Variants in KCNIP4 observed in about 807,000 individuals in gnomAD.
The protein encoded by KCNIP4 is Kv channel-interacting protein 4.
KCNIP4 carries 12 observed loss-of-function variants against 34.0 expected under a neutral mutation model. The ratio of observed to expected loss-of-function variants is 0.35; its 90% CI spans 0.23 to 0.57. The LOEUF (loss-of-function observed/expected upper bound fraction) is 0.57. Ranked by LOEUF, KCNIP4 falls within the 20% of genes least tolerant of loss-of-function variation. KCNIP4 has a pLI of 0.83. For missense variants in KCNIP4, 238 were observed against 311.7 expected, an observed-to-expected ratio of 0.76 and a Z score of 1.78; for synonymous variants, 124 against 102.2, an observed-to-expected ratio of 1.21 and a Z score of -1.29.
chr4:21,076,991 G>T (rs1031236871), intron 1 of KCNIP4, among the ~76,000 whole-genome samples: 18 of 152,164 alleles, frequency 1.2e-4, no homozygotes, highest in African/African-American at 4.1e-4. Flanking sequence ...TGGGCGTGAT[G>T]GCATGAGCCA....
At chr4:21,148,021 T>C (rs550463670) in intron 1 of KCNIP4, among the ~76,000 whole-genome samples, 7 of 149,606 alleles carry the variant, frequency 4.7e-5, no homozygotes, top group Admixed American at 3.3e-4. Context: ...TCAAGTACTA[T>C]TTTTATGAAT....
At chr4:21,418,447 T>C (rs10005599) in intron 1 of KCNIP4, among the ~76,000 whole-genome samples, 1 of 151,918 alleles carries the variant, frequency 6.6e-6, no homozygotes, top group African/African-American at 2.4e-5. Flanking sequence ...CAGTGAGCCG[T>C]GATTGTGCCA....
At chr4:21,397,663 G>T (rs545366525) in intron 1 of KCNIP4, among the ~76,000 whole-genome samples, 3 of 152,122 alleles carry the variant, frequency 2.0e-5, no homozygotes, top group South Asian at 2.1e-4. Flanking sequence ...ATATAACATT[G>T]CTTCTGCCTG....
At position 20,996,236 on chromosome 4, in the gene KCNIP4, T is replaced by C. The variant is rs201292507; in HGVS notation, c.62-113527A>G. Among the ~76,000 whole-genome samples, 18 of 152,296 alleles carry C rather than the reference T, an allele frequency of 1.2e-4. No individual in the cohort carries two copies. In the East Asian group the frequency reaches 3.3e-3, roughly 28 times the overall value. On this transcript the variant is annotated intron_variant, in intron 1 of 8. Transcript: ENST00000382152. ...CAAGCCACCACTCAGCAAACTCCTG[T>C]CTAATTTTGTTACTTTCGCTCTCAC...
chr4:20,857,051 A>C (rs1284118362), intron 2 of KCNIP4, among the ~76,000 whole-genome samples: 3 of 151,998 alleles, frequency 2.0e-5, no homozygotes, highest in African/African-American at 7.2e-5. Flanking sequence ...TATTAAAAAA[A>C]AAAAAAAAAC....
intron 1 of KCNIP4, among the ~76,000 whole-genome samples, chr4:21,464,140 A>T (rs1363274159): frequency 6.6e-6 from 1 of 151,490 alleles, no homozygotes; most frequent in Non-Finnish European, 1.5e-5. Flanking sequence ...GTCAATTTTA[A>T]TTTTTTTCTT....
intron 1 of KCNIP4, among the ~76,000 whole-genome samples, chr4:21,598,428 C>T (rs1431154928): frequency 6.6e-6 from 1 of 152,094 alleles, no homozygotes; most frequent in Non-Finnish European, 1.5e-5. Context: ...ATACTCAACC[C>T]TGCAGTTGTA....
chr4:21,250,183 G>A (rs1577963096), intron 1 of KCNIP4, among the ~76,000 whole-genome samples: 1 of 138,046 alleles, frequency 7.2e-6, no homozygotes, highest in African/African-American at 2.7e-5. Flanking sequence ...AAAGTATCCA[G>A]ACAACTACAC....
intron 2 of KCNIP4, among the ~76,000 whole-genome samples, chr4:20,865,429 G>A (rs1269499998): frequency 6.6e-6 from 1 of 151,904 alleles, no homozygotes; most frequent in African/African-American, 2.4e-5. Flanking sequence ...AATTAAAATT[G>A]GCAGCTTATT....
At chr4:21,741,496 T>G (rs1262690718) in intron 1 of KCNIP4, among the ~76,000 whole-genome samples, 3 of 152,150 alleles carry the variant, frequency 2.0e-5, no homozygotes, top group Non-Finnish European at 4.4e-5. Flanking sequence ...GGCTGGATGA[T>G]TCTAAATGAG....
intron 1 of KCNIP4, among the ~76,000 whole-genome samples, chr4:21,907,393 C>A (rs1232462529): frequency 6.6e-6 from 1 of 152,184 alleles, no homozygotes; most frequent in East Asian, 1.9e-4. Context: ...AAGCTGCCAC[C>A]ATGTTCTTGG....
At chr4:21,855,011 T>A (rs1402855272) in intron 1 of KCNIP4, among the ~76,000 whole-genome samples, 2 of 152,204 alleles carry the variant, frequency 1.3e-5, no homozygotes, top group Non-Finnish European at 2.9e-5. Flanking sequence ...CCCTGCTCTA[T>A]CATTTGCCCC....
intron 1 of KCNIP4, among the ~76,000 whole-genome samples, chr4:21,626,687 A>T (rs1419325404): frequency 1.3e-5 from 2 of 152,140 alleles, no homozygotes; most frequent in South Asian, 4.1e-4. Context: ...CAAGCTGTGT[A>T]GACAACCCTT....
intron 1 of KCNIP4, among the ~76,000 whole-genome samples, chr4:21,144,030 C>T (rs1006551447): frequency 1.3e-5 from 2 of 152,236 alleles, no homozygotes; most frequent in East Asian, 1.9e-4. Context: ...TCTGTGAAGT[C>T]TCTGTGCCTT....
At chr4:21,567,989 C>T (rs902704734) in intron 1 of KCNIP4, among the ~76,000 whole-genome samples, 4 of 152,068 alleles carry the variant, frequency 2.6e-5, no homozygotes, top group Non-Finnish European at 2.9e-5. Flanking sequence ...CCATAGTCAG[C>T]GCTGCTATGT....
rs539567945 is a variant in KCNIP4 at position 20,913,205 on chromosome 4, G to GCTAC, written c.62-30500_62-30497dup. On this transcript the variant is annotated intron_variant, in intron 1 of 8. Coordinates refer to ENST00000382152, the MANE Select transcript of KCNIP4 (RefSeq NM_025221.6). ...AAAAAAAGAATGAATAGTGATATGT[G>GCTAC]CTACCACAGAGGTGGATCTTAAAAA... Among the ~76,000 whole-genome samples, 119 of 152,046 alleles carry GCTAC rather than the reference G, an allele frequency of 7.8e-4. 2 individuals carry two copies. In the Middle Eastern group the frequency reaches 0.048, roughly 61 times the overall value.
intron 1 of KCNIP4, among the ~76,000 whole-genome samples, chr4:21,928,571 T>C (rs1250504893): frequency 6.6e-6 from 1 of 152,118 alleles, no homozygotes; most frequent in African/African-American, 2.4e-5. Context: ...AACAAACTAA[T>C]ATTTTAGAAG....
At chr4:21,244,841 A>G (rs1191884451) in intron 1 of KCNIP4, among the ~76,000 whole-genome samples, 1 of 152,198 alleles carries the variant, frequency 6.6e-6, no homozygotes, top group Non-Finnish European at 1.5e-5. Flanking sequence ...TAAAGCTTAC[A>G]TCTCATTACT....
At chr4:21,820,667 G>A (rs565579815) in intron 1 of KCNIP4, among the ~76,000 whole-genome samples, 25 of 152,104 alleles carry the variant, frequency 1.6e-4, no homozygotes, top group African/African-American at 5.5e-4. Flanking sequence ...AGAAAGGTTC[G>A]GATGATTTGT....
Sources: allele counts gnomAD v4.1 joint callset (sites outside exome capture counted in the v4.1 genomes callset), GRCh38; gene constraint gnomAD v4.1.1; transcripts MANE v1.5; gene names NCBI Gene and HGNC (gene_info 2026-07-23, HGNC 2026-07-21).